The following NDST4 variants were observed in gnomAD, a reference collection of about 807,000 sequenced individuals.
The protein encoded by NDST4 is N-deacetylase and N-sulfotransferase 4, also known as N-heparan sulfate sulfotransferase 4.
Under a neutral mutation model 100.8 loss-of-function variants are expected in NDST4, and 63 were observed. The observed-to-expected ratio is 0.62, with a 90% confidence interval of 0.51 to 0.77. The LOEUF is 0.77. NDST4 is among the 30% of genes least tolerant of loss of function. The pLI, the probability that NDST4 is intolerant of heterozygous loss-of-function variation, is 0.00. For synonymous variants in NDST4, 377 were observed against 361.8 expected, an observed-to-expected ratio of 1.04 and a Z score of -0.48; for missense variants, 943 against 1,018.4, an observed-to-expected ratio of 0.93 and a Z score of 1.01.
chr4:114,897,761 T>A (rs914628428), intron 6 of NDST4, among the ~76,000 whole-genome samples: 6 of 152,232 alleles, frequency 3.9e-5, no homozygotes, highest in African/African-American at 1.4e-4. Context: ...GTTTGATATA[T>A]GGGTAATTGT....
Position 115,076,226 on chromosome 4 carries a change from A to G in NDST4, c.811T>C (p.Phe271Leu). ...GLHDGIQRVLFGNNLNFWLHK... is the reference protein window; with the variant it reads ...GLHDGIQRVLLGNNLNFWLHK... Reference sequence around the variant, plus strand: ...AGCCAAAAGTTCAAGTTGTTGCCAAAAAGTACTCTCTGAATTCCATCATGA... The same window carrying G: ...AGCCAAAAGTTCAAGTTGTTGCCAAGAAGTACTCTCTGAATTCCATCATGA... Residue 271 changes from phenylalanine to leucine, a missense_variant, in exon 2 of 14, where the codon TTT becomes CTT. Physicochemically the swap from Phe to Leu is conservative, Grantham distance 22. This residue lies in a region of NDST4 where 417 missense variants were observed against 384.2 expected (regional missense o/e 1.09). Coordinates refer to ENST00000264363, the MANE Select transcript of NDST4 (RefSeq NM_022569.3). 6.2e-7 allele frequency: 1 copy of G among 1,613,990 alleles called. No homozygotes were observed. Among genetic ancestry groups the G allele is most frequent in the Non-Finnish European group, 8.5e-7 (1 of 1,179,944 alleles).
intron 6 of NDST4, among the ~76,000 whole-genome samples, chr4:114,909,382 C>T (rs184337807): frequency 2.0e-5 from 3 of 152,124 alleles, no homozygotes; most frequent in East Asian, 3.9e-4. Context: ...AATTATTGGC[C>T]GGGCGCGGTG....
At chr4:114,845,680 C>G in intron 10 of NDST4, 143 bp downstream of exon 10, 1 of 638,950 alleles carries the variant, frequency 1.6e-6, no homozygotes, top group Non-Finnish European at 2.5e-6. Flanking sequence ...GCTCATATTT[C>G]TCATATTTTT....
chr4:115,015,017 A>G (rs1323664009), intron 2 of NDST4, among the ~76,000 whole-genome samples: 1 of 152,056 alleles, frequency 6.6e-6, no homozygotes, highest in Non-Finnish European at 1.5e-5. Context: ...TCCTCACAAT[A>G]CATTTGAACT....
intron 6 of NDST4, among the ~76,000 whole-genome samples, chr4:114,874,190 A>C (rs905652204): frequency 9.2e-5 from 14 of 152,190 alleles, no homozygotes; most frequent in African/African-American, 3.4e-4. Context: ...TATCATAAAG[A>C]GTATTTTTAT....
At chr4:114,957,728 G>A (rs1726170613) in intron 4 of NDST4, among the ~76,000 whole-genome samples, 1 of 152,148 alleles carries the variant, frequency 6.6e-6, no homozygotes, top group Admixed American at 6.5e-5. Context: ...ATACAATGGG[G>A]ATACACATAC....
At chr4:114,990,852 T>A (rs1259108320) in intron 2 of NDST4, among the ~76,000 whole-genome samples, 1 of 152,094 alleles carries the variant, frequency 6.6e-6, no homozygotes, top group Non-Finnish European at 1.5e-5. Flanking sequence ...TCTGCTCAAA[T>A]TTAACGCACC....
chr4:114,952,775 AAGAG>A (rs1726045369), intron 4 of NDST4, among the ~76,000 whole-genome samples: 1 of 152,124 alleles, frequency 6.6e-6, no homozygotes, highest in South Asian at 2.1e-4. Context: ...TACCTAAAGA[AAGAG>A]AAATAGAAAA....
At position 115,113,548 on chromosome 4, in the gene NDST4, A is replaced by T. The variant is rs1035556710; in HGVS notation, c.-351T>A. The T allele has an allele frequency of 6.6e-6, 1 of 152,000 alleles. No homozygotes were observed. The highest frequency in any genetic ancestry group is 2.4e-5 in the African/African-American group (1 of 41,428). The allele number at this position is 152,000 out of a possible 1,614,324, so 9.4% of individuals were successfully genotyped here. A position where few individuals can be genotyped will look rare whatever the true frequency, so the allele number is the denominator to read the frequency against. ...GTTCACTTGGCTCCAGGTTAATTAG[A>T]AGGAGCTTTCAGTTCATGCAATCTG... is the stretch of plus-strand genomic sequence containing the variant. On this transcript the variant is annotated 5_prime_UTR_variant, in exon 1 of 14. Transcript: ENST00000264363.
chr4:115,051,653 C>A (rs1728586469), intron 2 of NDST4, among the ~76,000 whole-genome samples: 1 of 152,062 alleles, frequency 6.6e-6, no homozygotes, highest in African/African-American at 2.4e-5. Flanking sequence ...TTTTCTTTAA[C>A]CATTCATCTG....
intron 2 of NDST4, among the ~76,000 whole-genome samples, chr4:115,074,807 A>G (rs1729146617): frequency 6.6e-6 from 1 of 152,178 alleles, no homozygotes; most frequent in African/African-American, 2.4e-5. Flanking sequence ...AAACACTTTA[A>G]CAGAAGATCC....
Position 115,020,000 on chromosome 4 carries a change from C to G in NDST4, c.979-42726G>C, listed in dbSNP as rs555877604. ...AAGTCAGACTAAAAAAAATTGATAC[C>G]GAAGAGTGGGATTATTGCCATAACA... On this transcript the variant is annotated intron_variant, in intron 2 of 13. Transcript: ENST00000264363. Among the ~76,000 whole-genome samples the G allele has an allele frequency of 5.3e-5, 8 of 151,994 alleles. No individual in the cohort carries two copies. The South Asian group carries it at 1.2e-3, about 24-fold the overall frequency.
intron 6 of NDST4, among the ~76,000 whole-genome samples, chr4:114,899,531 GTT>G (rs146671281): frequency 6.8e-6 from 1 of 147,138 alleles, no homozygotes; most frequent in Non-Finnish European, 1.5e-5. Context: ...TTTACTGAAA[GTT>G]TTTTTTTTTA....
At chr4:114,862,249 C>T (rs1227760648) in intron 7 of NDST4, among the ~76,000 whole-genome samples, 1 of 152,142 alleles carries the variant, frequency 6.6e-6, no homozygotes, top group Non-Finnish European at 1.5e-5. Flanking sequence ...ACATAATCCC[C>T]AATGCTGTCT....
chr4:114,883,660 A>G (rs1724419337), intron 6 of NDST4, among the ~76,000 whole-genome samples: 1 of 152,148 alleles, frequency 6.6e-6, no homozygotes, highest in Admixed American at 6.6e-5. Flanking sequence ...AACAAGACCC[A>G]GATATTTGTT....
chr4:114,911,843 CCT>C (rs1399377008), intron 6 of NDST4, among the ~76,000 whole-genome samples: 3 of 151,976 alleles, frequency 2.0e-5, no homozygotes, highest in Non-Finnish European at 4.4e-5. Flanking sequence ...TTTTATAGCC[CCT>C]GTTTCTTTTC....
At chr4:114,831,027 A>C (rs1723184704) in intron 12 of NDST4, among the ~76,000 whole-genome samples, 1 of 152,104 alleles carries the variant, frequency 6.6e-6, no homozygotes, top group Non-Finnish European at 1.5e-5. Flanking sequence ...GATAAAAGAA[A>C]GAGTCATTTC....
intron 4 of NDST4, among the ~76,000 whole-genome samples, chr4:114,959,828 G>T (rs1726221265): frequency 6.6e-6 from 1 of 152,112 alleles, no homozygotes; most frequent in Non-Finnish European, 1.5e-5. Context: ...TGTCAGATGG[G>T]ATTATCAAAA....
chr4:115,039,987 G>C (rs1728316449), intron 2 of NDST4, among the ~76,000 whole-genome samples: 2 of 151,622 alleles, frequency 1.3e-5, no homozygotes, highest in Non-Finnish European at 2.9e-5. Context: ...ATGTACATAT[G>C]CATATATATT....
Sources: allele counts gnomAD v4.1 joint callset (sites outside exome capture counted in the v4.1 genomes callset), GRCh38; gene constraint gnomAD v4.1.1; regional missense constraint gnomAD v4.1.1; transcripts MANE v1.5; gene names NCBI Gene and HGNC (gene_info 2026-07-23, HGNC 2026-07-21).